Variants in NIPBL observed in about 807,000 individuals in gnomAD.
The protein encoded by NIPBL is nipped-B-like protein.
NIPBL carries 19 observed loss-of-function variants against 321.8 expected under a neutral mutation model. The observed-to-expected ratio is 0.06, with a 90% CI of 0.04 to 0.09. The LOEUF (loss-of-function observed/expected upper bound fraction) is 0.09. NIPBL is among the 10% of genes least tolerant of loss of function. The probability of loss-of-function intolerance (pLI) is 1.00; values close to 1 mark genes in which losing one functional copy is unlikely to be tolerated. For synonymous variants in NIPBL, 1,106 were observed against 1,114.1 expected (o/e 0.99, Z 0.14); for missense variants, 2,210 against 3,327.0 (o/e 0.66, Z 8.26).
Position 36,995,790 on chromosome 5 carries a change from A to T in NIPBL, c.3290A>T (p.Asp1097Val), listed in dbSNP as rs1329392287. 3 of 1,613,056 alleles carry T rather than the reference A, an allele frequency of 1.9e-6. No homozygotes were observed. ...AGTTCAGATGAAGATAATGATAGTG[A>T]TGAAGCTTTTGAATGTAAGTATCAC... is the stretch of plus-strand genomic sequence containing the variant. Reference protein sequence around the residue: ...EISSDEDNDSDEAFESSRKRH... With the variant: ...EISSDEDNDSVEAFESSRKRH... The change falls in exon 11 of 47, where the codon GAT becomes GTT. Residue 1097 changes from aspartate to valine, a missense_variant. Asp to Val is a radical substitution (Grantham distance 152). This residue lies in a region of NIPBL where 381 missense variants were observed against 642.3 expected (regional missense o/e 0.59). Coordinates refer to ENST00000282516, the MANE Select transcript of NIPBL (RefSeq NM_133433.4).
At chr5:37,011,407 T>C (rs1309700169) in intron 21 of NIPBL, among the ~76,000 whole-genome samples, 1 of 152,080 alleles carries the variant, frequency 6.6e-6, no homozygotes, top group Admixed American at 6.5e-5. Flanking sequence ...ATACACAAAT[T>C]AGCTGGTCAT....
At chr5:36,997,208 C>T (rs899636499) in intron 11 of NIPBL, among the ~76,000 whole-genome samples, 2 of 152,112 alleles carry the variant, frequency 1.3e-5, no homozygotes, top group African/African-American at 2.4e-5. Context: ...ACCACTCTGC[C>T]TCTTTCCCTC....
intron 11 of NIPBL, among the ~76,000 whole-genome samples, chr5:36,997,393 A>G (rs958810001): frequency 5.3e-5 from 8 of 152,176 alleles, no homozygotes; most frequent in Non-Finnish European, 7.3e-5. Flanking sequence ...CATAATCAAA[A>G]ATTTCCACCA....
intron 1 of NIPBL, among the ~76,000 whole-genome samples, chr5:36,922,527 A>T (rs1749026460): frequency 6.6e-6 from 1 of 152,034 alleles, no homozygotes; most frequent in Non-Finnish European, 1.5e-5. Flanking sequence ...ACTTAGTATG[A>T]AATGTAGGAA....
At chr5:37,031,108 C>T (rs376393885) in intron 32 of NIPBL, among the ~76,000 whole-genome samples, 59 of 152,082 alleles carry the variant, frequency 3.9e-4, no homozygotes, top group African/African-American at 1.4e-3. Context: ...CTCAGCCTCC[C>T]GAGTAGCTGG....
chr5:36,927,252 T>C (rs1262449592), intron 1 of NIPBL, among the ~76,000 whole-genome samples: 1 of 152,176 alleles, frequency 6.6e-6, no homozygotes, highest in East Asian at 1.9e-4. Context: ...AGTATTGTTT[T>C]CTCAAGGAGG....
At chr5:36,896,130 A>G (rs1202388578) in intron 1 of NIPBL, among the ~76,000 whole-genome samples, 1 of 152,214 alleles carries the variant, frequency 6.6e-6, no homozygotes, top group Non-Finnish European at 1.5e-5. Context: ...TAGGGATCCA[A>G]CTTCATTATT....
intron 6 of NIPBL, among the ~76,000 whole-genome samples, chr5:36,965,434 A>C (rs1282637292): frequency 2.0e-5 from 3 of 152,130 alleles, no homozygotes; most frequent in African/African-American, 7.2e-5. Context: ...GACAAATATT[A>C]TATGTTCTCA....
chr5:36,932,351 A>G (rs1259123112), intron 1 of NIPBL, among the ~76,000 whole-genome samples: 1 of 152,162 alleles, frequency 6.6e-6, no homozygotes, highest in Non-Finnish European at 1.5e-5. Flanking sequence ...TTTGTGCTTC[A>G]TATATGTGGC....
chr5:36,906,398 A>C (rs1747639969), intron 1 of NIPBL, among the ~76,000 whole-genome samples: 1 of 152,192 alleles, frequency 6.6e-6, no homozygotes, highest in Non-Finnish European at 1.5e-5. Context: ...TTTTGTGTTA[A>C]GTATAATCTT....
intron 43 of NIPBL, among the ~76,000 whole-genome samples, chr5:37,058,347 G>A (rs1026943109): frequency 1.3e-5 from 2 of 152,038 alleles, no homozygotes; most frequent in African/African-American, 4.8e-5. Flanking sequence ...TTGTTATAAT[G>A]TGCCCCACAC....
chr5:37,042,899 G>GCGCA (rs112689666), intron 34 of NIPBL, among the ~76,000 whole-genome samples: 573 of 144,892 alleles, frequency 4.0e-3, no homozygotes, highest in South Asian at 5.3e-3. Context: ...ACACACGCGC[G>GCGCA]CACACACACA....
At position 36,975,915 on chromosome 5, in the gene NIPBL, A is replaced by G; in HGVS notation, c.1008A>G (p.Lys336=). 6.2e-7 allele frequency: 1 copy of G among 1,613,194 alleles called. No individual in the cohort carries two copies. The highest frequency in any genetic ancestry group is 1.1e-5 in the South Asian group (1 of 90,900). The change falls in exon 9 of 47, where the codon AAA becomes AAG. Residue 336 remains lysine, a synonymous_variant. Transcript: ENST00000282516. ...QKKMKLGKDE[K]EQSEKAAMYD... is the part of the protein sequence containing the mutation. Reference sequence around the variant, plus strand: ...AAATGAAATTAGGCAAGGATGAAAAAGAGCAGAGTGAGAAAGCGGCAATGT... The same window carrying G: ...AAATGAAATTAGGCAAGGATGAAAAGGAGCAGAGTGAGAAAGCGGCAATGT...
At chr5:36,924,301 CTGAA>C (rs201477524) in intron 1 of NIPBL, among the ~76,000 whole-genome samples, 2,348 of 152,166 alleles carry the variant, frequency 0.015, 28 homozygotes, top group Non-Finnish European at 0.02. Context: ...TAGTGTGTTA[CTGAA>C]TGTTTCTTGA....
intron 36 of NIPBL, among the ~76,000 whole-genome samples, chr5:37,045,123 G>A (rs980381745): frequency 6.6e-5 from 10 of 152,134 alleles, no homozygotes; most frequent in Non-Finnish European, 1.0e-4. Context: ...AGGCCACGGC[G>A]GGTGGATTAC....
At position 36,985,519 on chromosome 5, in the gene NIPBL, C is replaced by T; in HGVS notation, c.2339C>T (p.Ser780Phe). The T allele has an allele frequency of 1.9e-6, 3 of 1,613,644 alleles. No individual in the cohort carries two copies. The South Asian group carries it at 3.3e-5, about 18-fold the overall frequency. The change falls in exon 10 of 47, where the codon TCT (serine) becomes TTT (phenylalanine). Residue 780 changes from serine (S) to phenylalanine (F), a missense_variant. Ser to Phe is a radical substitution (Grantham distance 155). This residue lies in a region of NIPBL where 588 missense variants were observed against 564.1 expected (regional missense o/e 1.04). Coordinates refer to ENST00000282516, the MANE Select transcript of NIPBL (RefSeq NM_133433.4). Reference protein sequence around the residue: ...KPSTEKKPEVSKHKQDTKSDS... With the variant: ...KPSTEKKPEVFKHKQDTKSDS... ...TCTACAGAGAAAAAACCTGAAGTGT[C>T]TAAACATAAACAAGATACTAAATCT...
Position 37,038,605 on chromosome 5 carries a change from C to G in NIPBL, c.5975C>G (p.Ser1992Cys). Reference protein sequence around the residue: ...ILKYEESLADSDNKGVNSGRL... With the variant: ...ILKYEESLADCDNKGVNSGRL... The stretch of plus-strand genomic sequence containing the variant: ...ATTTCTCTGTTTGTTTTTCCAGACT[C>G]TGACAATAAAGGTGTGAATTCTGGA... Residue 1992 changes from serine to cysteine, a missense_variant, in exon 34 of 47, where the codon TCT (serine) becomes TGT (cysteine). This residue lies in a region of NIPBL where 69 missense variants were observed against 100.8 expected (regional missense o/e 0.68). Transcript: ENST00000282516. 1 of 1,613,478 alleles carries G rather than the reference C, an allele frequency of 6.2e-7. No homozygotes were observed. The highest frequency in any genetic ancestry group is 1.3e-5 in the African/African-American group (1 of 75,002).
chr5:36,950,038 A>G (rs1484519225), intron 1 of NIPBL, among the ~76,000 whole-genome samples: 1 of 151,848 alleles, frequency 6.6e-6, no homozygotes, highest in Non-Finnish European at 1.5e-5. Flanking sequence ...TTCTCAATGT[A>G]TTTTGTTCGA....
chr5:37,029,180 T>C (rs1580521625), intron 32 of NIPBL, among the ~76,000 whole-genome samples: 1 of 152,334 alleles, frequency 6.6e-6, no homozygotes, highest in East Asian at 1.9e-4. Context: ...TATACAGTCA[T>C]GTAACGTCCA....
Sources: gnomAD v4.1 joint callset for allele counts (sites outside exome capture counted in the v4.1 genomes callset) on GRCh38, gnomAD v4.1.1 for gene constraint, gnomAD v4.1.1 regional missense constraint, MANE v1.5 for transcripts, NCBI Gene and HGNC (gene_info 2026-07-23, HGNC 2026-07-21) for gene names.